PLEKHA8: variants seen among roughly 807,000 people sequenced by gnomAD.
PLEKHA8 encodes pleckstrin homology domain containing A8.
Under a neutral mutation model 68.2 loss-of-function variants are expected in PLEKHA8, and 36 were observed. That is an observed-to-expected ratio of 0.53 (90% CI 0.40 to 0.70). PLEKHA8 has a LOEUF of 0.70. Among genes scored for constraint, PLEKHA8 ranks in the 30% least tolerant of loss-of-function variants. The pLI is 0.00. For missense variants in PLEKHA8, 505 were observed against 615.4 expected (o/e 0.82, Z 1.90); for synonymous variants, 211 against 216.1 (o/e 0.98, Z 0.20).
chr7:30,068,632 G>A lies in PLEKHA8; in HGVS notation c.1301-5439G>A, dbSNP rs186163611. Among the ~76,000 whole-genome samples, 234 of 152,216 alleles carry A rather than the reference G, an allele frequency of 1.5e-3. 1 individual carries two copies. Among genetic ancestry groups the A allele is most frequent in the Middle Eastern group, 6.8e-3 (2 of 294 alleles). On this transcript the variant is annotated intron_variant, in intron 12 of 13. Transcript: ENST00000449726. ...ATCTTTTTCAGTGATGGGTTAAAAT[G>A]TCTAATCTTTTTCAGTTATGGGTTA...
chr7:30,082,498 G>T lies in PLEKHA8; in HGVS notation c.*3711G>T, dbSNP rs978056557. ...GAGCCCATATTCCCATTTGTAGCTG[G>T]AAAGCGGGTGAATGACATGACATGG... On this transcript the variant is annotated 3_prime_UTR_variant, in exon 14 of 14. Coordinates refer to ENST00000449726, the MANE Select transcript of PLEKHA8 (RefSeq NM_001197026.2). 1 of 985,376 alleles carries T rather than the reference G, an allele frequency of 1.0e-6. No homozygotes were observed. The highest frequency in any genetic ancestry group is 1.2e-6 in the Non-Finnish European group (1 of 829,934). The allele number at this position is 985,376 out of a possible 1,614,324, so 61.0% of individuals were successfully genotyped here.
At chr7:30,126,435 A>G (rs1366967337) in intron 13 of PLEKHA8, among the ~76,000 whole-genome samples, 1 of 152,238 alleles carries the variant, frequency 6.6e-6, no homozygotes, top group Non-Finnish European at 1.5e-5. Flanking sequence ...AGAGTTACTT[A>G]CATAAGGCTA....
At chr7:30,104,367 A>T (rs558554704) in intron 13 of PLEKHA8, among the ~76,000 whole-genome samples, 2 of 152,296 alleles carry the variant, frequency 1.3e-5, no homozygotes, top group South Asian at 4.1e-4. Context: ...CCAATGACCC[A>T]TCTTCTCCTA....
intron 1 of PLEKHA8, 73 bp downstream of exon 1, chr7:30,028,875 G>A (rs771909878): frequency 1.6e-6 from 2 of 1,237,130 alleles, no homozygotes; most frequent in Non-Finnish European, 2.0e-6. Context: ...GGCGGTGTCT[G>A]GACCCGTCTT....
rs754658566 is a variant in PLEKHA8 at position 30,084,021 on chromosome 7, C to T, written c.*5234C>T. ...CATGGCATGTTTAATGTATAATTCC[C>T]ATGTATCATGAGAATTTCACTAGAA... On this transcript the variant is annotated 3_prime_UTR_variant, in exon 14 of 14. Transcript: ENST00000449726. 7.4e-5 allele frequency: 73 copies of T among 985,224 alleles called. No individual in the cohort carries two copies. Among genetic ancestry groups the T allele is most frequent in the Non-Finnish European group, 8.1e-5 (67 of 829,934 alleles). The allele number at this position is 985,224 out of a possible 1,614,324, so 61.0% of individuals were successfully genotyped here. A position where few individuals can be genotyped will look rare whatever the true frequency, so the allele number is the denominator to read the frequency against.
chr7:30,112,307 A>G (rs1423658091), intron 13 of PLEKHA8, among the ~76,000 whole-genome samples: 1 of 152,156 alleles, frequency 6.6e-6, no homozygotes, highest in Non-Finnish European at 1.5e-5. Flanking sequence ...ACGACTCAGC[A>G]TATACCAAAA....
At position 30,079,176 on chromosome 7, in the gene PLEKHA8, C is replaced by T. The variant is rs1794797718; in HGVS notation, c.*389C>T. The T allele has an allele frequency of 2.0e-6, 2 of 1,009,814 alleles. No individual in the cohort carries two copies. Among genetic ancestry groups the T allele is most frequent in the Non-Finnish European group, 2.4e-6 (2 of 844,844 alleles). The allele number at this position is 1,009,814 out of a possible 1,614,324, so 62.6% of individuals were successfully genotyped here. ...CATATTAAGTACCATAATTCATAGC[C>T]AGTGTTTCAGCCAACTTAGACTAGA... is the stretch of plus-strand genomic sequence containing the variant. On this transcript the variant is annotated 3_prime_UTR_variant, in exon 14 of 14. Coordinates refer to ENST00000449726, the MANE Select transcript of PLEKHA8 (RefSeq NM_001197026.2).
intron 8 of PLEKHA8, 42 bp from the exon 9 acceptor site, chr7:30,055,215 G>T (rs1562868464): frequency 6.4e-7 from 1 of 1,554,220 alleles, no homozygotes. Context: ...TGCTGATACT[G>T]TATTTTCAAT....
At chr7:30,041,432 T>G (rs1279044846) in intron 1 of PLEKHA8, among the ~76,000 whole-genome samples, 2 of 151,300 alleles carry the variant, frequency 1.3e-5, no homozygotes. Flanking sequence ...TTTTTTTTTT[T>G]TTTTTTTGAG....
At chr7:30,051,030 G>C (rs1792364999) in intron 6 of PLEKHA8, among the ~76,000 whole-genome samples, 1 of 152,118 alleles carries the variant, frequency 6.6e-6, no homozygotes, top group Non-Finnish European at 1.5e-5. Context: ...GTCCCAAGTA[G>C]CTGGGACTAT....
chr7:30,043,090 C>T (rs185010129), intron 1 of PLEKHA8, among the ~76,000 whole-genome samples: 2 of 152,258 alleles, frequency 1.3e-5, no homozygotes, highest in African/African-American at 2.4e-5. Flanking sequence ...CAGCCTCGAC[C>T]TTCCAGGCTC....
In PLEKHA8 at chr7:30,078,623, T is replaced by G; in HGVS notation, c.1396T>G (p.Phe466Val). 6.2e-7 allele frequency: 1 copy of G among 1,613,830 alleles called. No individual in the cohort carries two copies. Among genetic ancestry groups the G allele is most frequent in the Non-Finnish European group, 8.5e-7 (1 of 1,179,826 alleles). ...AAGGGCAGCTCCATCCTATGAAGATTTTGTGGCCGCGTTAACCGTAAAGGA... is the reference window on the plus strand; with the variant it reads ...AAGGGCAGCTCCATCCTATGAAGATGTTGTGGCCGCGTTAACCGTAAAGGA... ...ALRAAPSYED[F>V]VAALTVKEGD... Residue 466 changes from phenylalanine (F) to valine (V), a missense_variant, in exon 14 of 14, where the codon TTT (phenylalanine) becomes GTT (valine). Physicochemically the swap from Phe to Val is conservative, Grantham distance 50. Transcript: ENST00000449726.
chr7:30,054,815 G>T lies in PLEKHA8; in HGVS notation c.903G>T (p.Trp301Cys), dbSNP rs1289245162. The T allele has an allele frequency of 6.2e-7, 1 of 1,611,892 alleles. No individual in the cohort carries two copies. The highest frequency in any genetic ancestry group is 8.5e-7 in the Non-Finnish European group (1 of 1,178,802). The part of the protein sequence containing the change: ...SDSSCSPECL[W>C]EEGKEVIPTF... ...CAAGTTGCTCTCCGGAATGCCTCTG[G>T]GAGGAAGGCAAAGAAGTTATCCCAA... is the stretch of plus-strand genomic sequence containing the variant. The change falls in exon 8 of 14, where the codon TGG becomes TGT. Residue 301 changes from tryptophan (W) to cysteine (C), a missense_variant. By Grantham distance (215) the Trp-to-Cys change is radical. Coordinates refer to ENST00000449726, the MANE Select transcript of PLEKHA8 (RefSeq NM_001197026.2).
At chr7:30,030,231 T>TC (rs1790557780) in intron 1 of PLEKHA8, among the ~76,000 whole-genome samples, 1 of 152,222 alleles carries the variant, frequency 6.6e-6, no homozygotes, top group African/African-American at 2.4e-5. Context: ...ACACTTTTTT[T>TC]CATTCATCTT....
rs778947934 is a variant in PLEKHA8, at chr7:30,052,906, A to G, written c.796+40A>G. 2.7e-6 allele frequency: 4 copies of G among 1,506,116 alleles called. No homozygotes were observed. The South Asian group carries it at 3.8e-5, about 14-fold the overall frequency. The allele number at this position is 1,506,116 out of a possible 1,614,324, so 93.3% of individuals were successfully genotyped here. A position where few individuals can be genotyped will look rare whatever the true frequency, so the allele number is the denominator to read the frequency against. On this transcript the variant is annotated intron_variant, in intron 7 of 13. Transcript: ENST00000449726. ...AAAGTCTGAAACAAACCAATTTTAG[A>G]TGATAGAAAATTTGGGAATTTGATG...
At chr7:30,049,121 G>T in intron 4 of PLEKHA8, 103 bp from the exon 5 acceptor site, 2 of 1,349,052 alleles carry the variant, frequency 1.5e-6, no homozygotes, top group Non-Finnish European at 2.1e-6. Flanking sequence ...CAGCAGGTGG[G>T]TACATTATTA....
intron 4 of PLEKHA8, among the ~76,000 whole-genome samples, chr7:30,048,419 A>G (rs1450129972): frequency 6.6e-6 from 1 of 152,204 alleles, no homozygotes. Context: ...GACTAACAGT[A>G]TTTTGTTTTA....
chr7:30,086,879 CATT>C (rs1227133892), downstream of PLEKHA8, among the ~76,000 whole-genome samples: 4 of 152,224 alleles, frequency 2.6e-5, no homozygotes, highest in African/African-American at 7.2e-5. Context: ...CTGCCACTGT[CATT>C]ATTATTGTCA....
rs1795101876 is a variant in PLEKHA8 at position 30,084,608 on chromosome 7, A to T, written c.*5821A>T. ...GCAAAAATGTTTGAAAATATCTGTC[A>T]GATTTTATATTCGTTAGTTATAATA... is the stretch of plus-strand genomic sequence containing the variant. On this transcript the variant is annotated 3_prime_UTR_variant, in exon 14 of 14. Coordinates refer to ENST00000449726, the MANE Select transcript of PLEKHA8 (RefSeq NM_001197026.2). The T allele has an allele frequency of 4.2e-6, 4 of 945,776 alleles. No homozygotes were observed. The highest frequency in any genetic ancestry group is 3.8e-6 in the Non-Finnish European group (3 of 794,082). 58.6% of individuals were successfully genotyped at this position (945,776 alleles called of 1,614,324 possible). A position where few individuals can be genotyped will look rare whatever the true frequency, so the allele number is the denominator to read the frequency against.
Sources: allele counts gnomAD v4.1 joint callset (sites outside exome capture counted in the v4.1 genomes callset), GRCh38; gene constraint gnomAD v4.1.1; transcripts MANE v1.5; gene names NCBI Gene and HGNC (gene_info 2026-07-23, HGNC 2026-07-21).